The following LAPTM4B variants were observed in gnomAD, a reference collection of about 807,000 sequenced individuals.
LAPTM4B encodes lysosomal protein transmembrane 4 beta.
In LAPTM4B, 26 loss-of-function variants were observed where a neutral mutation model predicts 28.5. The ratio of observed to expected loss-of-function variants is 0.91; its 90% confidence interval spans 0.67 to 1.27. LAPTM4B has a LOEUF of 1.27. Ranked by LOEUF, LAPTM4B falls within the 50% of genes most tolerant of loss-of-function variation. The probability of loss-of-function intolerance (pLI) is 0.00; values close to 1 mark genes in which losing one functional copy is unlikely to be tolerated. For missense variants in LAPTM4B, 288 were observed against 285.8 expected, an observed-to-expected ratio of 1.01 and a Z score of -0.06; for synonymous variants, 109 against 106.4, an observed-to-expected ratio of 1.02 and a Z score of -0.15.
At chr8:97,809,136 A>G (rs1586330274) in intron 2 of LAPTM4B, among the ~76,000 whole-genome samples, 1 of 152,210 alleles carries the variant, frequency 6.6e-6, no homozygotes, top group South Asian at 2.1e-4. Context: ...AATTAAGCCT[A>G]TCATGTCAGA....
intron 5 of LAPTM4B, among the ~76,000 whole-genome samples, chr8:97,819,803 C>T (rs746699244): frequency 2.0e-4 from 28 of 137,638 alleles, no homozygotes; most frequent in Non-Finnish European, 3.0e-4. Context: ...GGCGCAACCT[C>T]GGCTTACTGC....
chr8:97,804,180 G>T (rs67456134), intron 1 of LAPTM4B, among the ~76,000 whole-genome samples: 67,523 of 151,944 alleles, frequency 0.44, 15,484 homozygotes, highest in East Asian at 0.57. Context: ...AGGAGTTTGA[G>T]GCCAGCCTGG....
intron 1 of LAPTM4B, among the ~76,000 whole-genome samples, chr8:97,794,221 C>T (rs999712169): frequency 7.2e-5 from 11 of 152,182 alleles, no homozygotes; most frequent in Admixed American, 3.3e-4. Flanking sequence ...CTCAGGTGAA[C>T]CGCCCGCCTT....
intron 5 of LAPTM4B, among the ~76,000 whole-genome samples, chr8:97,824,307 C>T (rs1039531884): frequency 3.9e-5 from 6 of 152,050 alleles, no homozygotes; most frequent in African/African-American, 9.7e-5. Flanking sequence ...TCATAAGCAA[C>T]GTATTTCCTG....
chr8:97,824,610 A>T (rs1464032324), intron 5 of LAPTM4B, among the ~76,000 whole-genome samples: 1 of 152,242 alleles, frequency 6.6e-6, no homozygotes, highest in Non-Finnish European at 1.5e-5. Context: ...TTTTAAAAAA[A>T]TCGACTTGTG....
chr8:97,848,855 G>T lies in LAPTM4B; in HGVS notation c.604-2542G>T, dbSNP rs117660844. 6.1e-3 allele frequency among the ~76,000 whole-genome samples: 923 copies of T among 152,290 alleles called. 5 individuals carry two copies. The highest frequency in any genetic ancestry group is 9.8e-3 in the Non-Finnish European group (664 of 68,024). On this transcript the variant is annotated intron_variant, in intron 6 of 6. Coordinates refer to ENST00000521545, the MANE Select transcript of LAPTM4B (RefSeq NM_018407.6). ...ATCTAATGCACACACACGTATGTGC[G>T]CTGGGGGCTCAGTCCTAAAGTCAAA... is the stretch of plus-strand genomic sequence containing the variant.
chr8:97,834,438 C>G (rs943705889), intron 6 of LAPTM4B, among the ~76,000 whole-genome samples: 6 of 152,186 alleles, frequency 3.9e-5, no homozygotes, highest in Non-Finnish European at 8.8e-5. Context: ...TAAACTTTCT[C>G]TGAACAGCTG....
intron 6 of LAPTM4B, among the ~76,000 whole-genome samples, chr8:97,844,400 G>A (rs1817398661): frequency 6.6e-6 from 1 of 152,146 alleles, no homozygotes. Flanking sequence ...TCCCGCCAAT[G>A]CTGTTCTAAT....
At chr8:97,819,357 A>G in intron 5 of LAPTM4B, 119 bp downstream of exon 5, 1 of 613,176 alleles carries the variant, frequency 1.6e-6, no homozygotes, top group East Asian at 2.8e-5. Context: ...TTGCTTTTTG[A>G]TTTCCTAAGA....
chr8:97,799,533 G>A (rs941597140), intron 1 of LAPTM4B, among the ~76,000 whole-genome samples: 6 of 152,320 alleles, frequency 3.9e-5, no homozygotes, highest in Admixed American at 3.3e-4. Context: ...TGAGCACGGT[G>A]ACTGCATTTT....
chr8:97,803,363 C>T (rs1201123906), intron 1 of LAPTM4B, among the ~76,000 whole-genome samples: 2 of 151,832 alleles, frequency 1.3e-5, no homozygotes, highest in South Asian at 4.2e-4. Context: ...ACTGGAACCT[C>T]TGCCTCCCTG....
intron 2 of LAPTM4B, among the ~76,000 whole-genome samples, chr8:97,812,207 T>G (rs78600155): frequency 0.096 from 5,367 of 55,692 alleles, 303 homozygotes; most frequent in African/African-American, 0.19. Flanking sequence ...TAATTATTTG[T>G]TTTTTTTTTG....
At chr8:97,799,618 T>A (rs999432675) in intron 1 of LAPTM4B, among the ~76,000 whole-genome samples, 2 of 152,202 alleles carry the variant, frequency 1.3e-5, no homozygotes, top group Admixed American at 6.5e-5. Context: ...ATAATTTTTA[T>A]TTGACACCAG....
intron 6 of LAPTM4B, among the ~76,000 whole-genome samples, chr8:97,832,722 T>A (rs1356705416): frequency 1.6e-5 from 2 of 124,594 alleles, no homozygotes; most frequent in East Asian, 2.4e-4. Context: ...ATTTTATTTT[T>A]TTGAGACAGA....
intron 1 of LAPTM4B, among the ~76,000 whole-genome samples, chr8:97,800,871 G>A (rs62524061): frequency 0.21 from 32,529 of 151,896 alleles, 4,273 homozygotes; most frequent in Non-Finnish European, 0.3. Flanking sequence ...CAGGACTTCG[G>A]GAGGCCGGGG....
chr8:97,797,486 T>C (rs938312690), intron 1 of LAPTM4B, among the ~76,000 whole-genome samples: 2 of 152,200 alleles, frequency 1.3e-5, no homozygotes, highest in African/African-American at 4.8e-5. Flanking sequence ...TCTGTGAACA[T>C]TTTCTTGTCA....
chr8:97,825,541 C>T (rs527708164), intron 6 of LAPTM4B, among the ~76,000 whole-genome samples: 8 of 152,174 alleles, frequency 5.3e-5, no homozygotes, highest in East Asian at 3.9e-4. Flanking sequence ...AACCAAGATG[C>T]GATGTTTACA....
chr8:97,834,455 A>G (rs2449541), intron 6 of LAPTM4B, among the ~76,000 whole-genome samples: 3 of 151,988 alleles, frequency 2.0e-5, no homozygotes, highest in Non-Finnish European at 4.4e-5. Context: ...GCTGATATAT[A>G]ATAGTTAATA....
chr8:97,843,262 A>G (rs1817379646), intron 6 of LAPTM4B, among the ~76,000 whole-genome samples: 2 of 152,072 alleles, frequency 1.3e-5, no homozygotes, highest in African/African-American at 4.8e-5. Context: ...CCCCGTCTCT[A>G]CTAAAATACA....
Sources: gnomAD v4.1 joint callset for allele counts (sites outside exome capture counted in the v4.1 genomes callset) on GRCh38, gnomAD v4.1.1 for gene constraint, MANE v1.5 for transcripts, NCBI Gene and HGNC (gene_info 2026-07-23, HGNC 2026-07-21) for gene names.